Variants in STAG1 observed in about 807,000 individuals in gnomAD.
STAG1 encodes STAG1 cohesin complex component.
A neutral mutation model predicts 170.9 loss-of-function variants in STAG1; 26 were observed. The ratio of observed to expected loss-of-function variants is 0.15; its 90% CI spans 0.11 to 0.21. The LOEUF (loss-of-function observed/expected upper bound fraction) is 0.21. STAG1 is among the 10% of genes least tolerant of loss of function. The pLI, the probability that STAG1 is intolerant of heterozygous loss-of-function variation, is 1.00. For missense variants in STAG1, 964 were observed against 1,509.5 expected (o/e 0.64, Z 5.99); for synonymous variants, 514 against 497.7 (o/e 1.03, Z -0.44).
chr3:136,620,707 C>G (rs749408478), intron 3 of STAG1, among the ~76,000 whole-genome samples: 1 of 152,078 alleles, frequency 6.6e-6, no homozygotes, highest in Non-Finnish European at 1.5e-5. Context: ...GTACAGACAG[C>G]CATGTGAACT....
chr3:136,396,540 TTTTTTTG>T (rs1212234364), intron 22 of STAG1, among the ~76,000 whole-genome samples: 1 of 118,446 alleles, frequency 8.4e-6, no homozygotes, highest in Non-Finnish European at 1.7e-5. Context: ...TTTTTTTTTT[TTTTTTTG>T]GAGACAGTCT....
intron 13 of STAG1, among the ~76,000 whole-genome samples, chr3:136,456,702 C>T (rs1028274642): frequency 6.6e-6 from 1 of 152,068 alleles, no homozygotes; most frequent in East Asian, 1.9e-4. Flanking sequence ...TTTCCCAAGG[C>T]ATATCATAAT....
At chr3:136,544,888 G>T (rs1301255262) in intron 5 of STAG1, among the ~76,000 whole-genome samples, 1 of 152,066 alleles carries the variant, frequency 6.6e-6, no homozygotes, top group South Asian at 2.1e-4. Flanking sequence ...CCAAATAGCA[G>T]ATGCTTTCTA....
chr3:136,421,324 TAAC>T (rs1444643501), intron 19 of STAG1, among the ~76,000 whole-genome samples, 161 bp from the exon 20 acceptor site: 2 of 152,156 alleles, frequency 1.3e-5, no homozygotes, highest in Non-Finnish European at 2.9e-5. Context: ...CCCATAACTC[TAAC>T]AACCTAGAAA....
chr3:136,565,097 GGAAAGAGAA>G (rs1379541786), intron 5 of STAG1, among the ~76,000 whole-genome samples: 1 of 76,580 alleles, frequency 1.3e-5, no homozygotes, highest in African/African-American at 5.0e-5. Flanking sequence ...AGGGAGGAAA[GGAAAGAGAA>G]AGAGAGAGAA....
At chr3:136,642,013 T>C (rs1940819174) in intron 1 of STAG1, among the ~76,000 whole-genome samples, 1 of 152,166 alleles carries the variant, frequency 6.6e-6, no homozygotes, top group Admixed American at 6.5e-5. Flanking sequence ...TGAGGTACTT[T>C]ACCAAATGAC....
intron 1 of STAG1, among the ~76,000 whole-genome samples, chr3:136,705,780 AC>A (rs1943210851): frequency 6.6e-6 from 1 of 152,158 alleles, no homozygotes; most frequent in Non-Finnish European, 1.5e-5. Flanking sequence ...TTTATAAATT[AC>A]CCAGTCTCAG....
chr3:136,339,780 T>G (rs946800979), intron 32 of STAG1, among the ~76,000 whole-genome samples: 3 of 152,202 alleles, frequency 2.0e-5, no homozygotes, highest in African/African-American at 7.2e-5. Flanking sequence ...CACCATGCAT[T>G]ACTATTCCTG....
At chr3:136,540,473 G>C (rs1307289089) in intron 6 of STAG1, among the ~76,000 whole-genome samples, 3 of 151,988 alleles carry the variant, frequency 2.0e-5, no homozygotes, top group Non-Finnish European at 4.4e-5. Context: ...TTTCTTAATA[G>C]TTTACTATTC....
At chr3:136,531,792 G>A (rs936061425) in intron 6 of STAG1, among the ~76,000 whole-genome samples, 84 of 151,138 alleles carry the variant, frequency 5.6e-4, no homozygotes, top group Admixed American at 1.2e-3. Context: ...GATAGCATCG[G>A]GAGATATACC....
chr3:136,742,143 AAAC>A (rs375118957), intron 1 of STAG1, among the ~76,000 whole-genome samples: 22 of 152,322 alleles, frequency 1.4e-4, no homozygotes, highest in African/African-American at 3.4e-4. Context: ...GAATGAGACA[AAAC>A]AACAACAACA....
chr3:136,628,806 G>T (rs182694956), intron 2 of STAG1, among the ~76,000 whole-genome samples: 6 of 152,094 alleles, frequency 3.9e-5, no homozygotes, highest in Admixed American at 6.5e-5. Context: ...TAGGCTTCCC[G>T]GAATATAAAA....
intron 9 of STAG1, among the ~76,000 whole-genome samples, chr3:136,489,661 T>C (rs933265425): frequency 6.6e-6 from 1 of 152,196 alleles, no homozygotes; most frequent in Non-Finnish European, 1.5e-5. Context: ...AAAAATCACA[T>C]TTTCCAAAAT....
chr3:136,582,660 G>A lies in STAG1; in HGVS notation c.298-13799C>T, dbSNP rs542569339. On this transcript the variant is annotated intron_variant, in intron 4 of 33. Transcript: ENST00000383202. ...CTAAAACTACAAAAATTAGCCAGGC[G>A]TGGTGGTGCGTGCCTGTAGTCCCAG... 9.2e-5 allele frequency among the ~76,000 whole-genome samples: 14 copies of A among 152,244 alleles called. No individual in the cohort carries two copies. The South Asian group carries it at 1.9e-3, about 20-fold the overall frequency.
At chr3:136,512,974 G>C (rs1045845550) in intron 7 of STAG1, among the ~76,000 whole-genome samples, 3 of 152,188 alleles carry the variant, frequency 2.0e-5, no homozygotes, top group African/African-American at 7.2e-5. Flanking sequence ...GGTTAGGACT[G>C]ACAGCAGAAG....
intron 13 of STAG1, among the ~76,000 whole-genome samples, chr3:136,462,356 A>G (rs2107793709): frequency 6.6e-6 from 1 of 152,324 alleles, no homozygotes; most frequent in East Asian, 1.9e-4. Context: ...AATACTATTT[A>G]GCCATAAAAA....
intron 20 of STAG1, among the ~76,000 whole-genome samples, chr3:136,418,791 G>C (rs1031248909): frequency 1.3e-5 from 2 of 151,958 alleles, no homozygotes; most frequent in Non-Finnish European, 2.9e-5. Flanking sequence ...ACAGGTGTGC[G>C]CCATGACACC....
Position 136,571,711 on chromosome 3 carries a change from A to T in STAG1, c.298-2850T>A, listed in dbSNP as rs6765527. Among the ~76,000 whole-genome samples, 825 of 152,114 alleles carry T rather than the reference A, an allele frequency of 5.4e-3. 8 individuals carry two copies. The highest frequency in any genetic ancestry group is 0.018 in the African/African-American group (763 of 41,514). The stretch of plus-strand genomic sequence containing the variant: ...ACATACAAAGACCCTCATCTCTACC[A>T]AAAAACAAAACAAAAAAATATTAGT... On this transcript the variant is annotated intron_variant, in intron 4 of 33. Coordinates refer to ENST00000383202, the MANE Select transcript of STAG1 (RefSeq NM_005862.3).
At chr3:136,353,242 CAT>C (rs1183253614) in intron 28 of STAG1, among the ~76,000 whole-genome samples, 8 of 152,072 alleles carry the variant, frequency 5.3e-5, no homozygotes, top group Non-Finnish European at 7.4e-5. Context: ...AATATACTGA[CAT>C]ATGTGTAATG....
Sources: allele counts gnomAD v4.1 joint callset (sites outside exome capture counted in the v4.1 genomes callset), GRCh38; gene constraint gnomAD v4.1.1; transcripts MANE v1.5; gene names NCBI Gene and HGNC (gene_info 2026-07-23, HGNC 2026-07-21).